The following CUX1 variants were observed in gnomAD, a reference collection of about 807,000 sequenced individuals.
CUX1 encodes protein CASP.
CUX1 carries 31 observed loss-of-function variants against 158.8 expected under a neutral mutation model. The ratio of observed to expected loss-of-function variants is 0.20; its 90% CI spans 0.15 to 0.26. The LOEUF is 0.26. CUX1 is among the 10% of genes least tolerant of loss of function. The pLI, the probability that CUX1 is intolerant of heterozygous loss-of-function variation, is 1.00. For missense variants in CUX1, 1,589 were observed against 2,014.6 expected (o/e 0.79, Z 4.04); for synonymous variants, 879 against 862.1 (o/e 1.02, Z -0.34).
chr7:101,900,930 A>C (rs182537294), intron 1 of CUX1, among the ~76,000 whole-genome samples: 30 of 152,330 alleles, frequency 2.0e-4, no homozygotes, highest in African/African-American at 6.3e-4. Context: ...TTAATCACTG[A>C]AGAATCTAAC....
chr7:102,049,199 G>A (rs541831067), intron 3 of CUX1, among the ~76,000 whole-genome samples: 1 of 152,190 alleles, frequency 6.6e-6, no homozygotes, highest in African/African-American at 2.4e-5. Flanking sequence ...AGACTCACTC[G>A]GAGAAATTTC....
At chr7:102,168,882 GCTTTTCTTTTCTTTT>G (rs370878244) in intron 9 of CUX1, among the ~76,000 whole-genome samples, 3 of 144,310 alleles carry the variant, frequency 2.1e-5, no homozygotes, top group Admixed American at 7.1e-5. Flanking sequence ...GCTTGGCCAG[GCTTTTCTTTTCTTTT>G]CTTTTCTTTT....
At chr7:101,841,173 G>T (rs542085695) in intron 1 of CUX1, among the ~76,000 whole-genome samples, 1 of 152,072 alleles carries the variant, frequency 6.6e-6, no homozygotes, top group Non-Finnish European at 1.5e-5. Context: ...GATTACAGGC[G>T]TGAGCCACCA....
intron 21 of CUX1, among the ~76,000 whole-genome samples, chr7:102,230,213 G>A (rs1554530157): frequency 6.6e-6 from 1 of 151,968 alleles, no homozygotes; most frequent in African/African-American, 2.4e-5. Context: ...AATGACAGGT[G>A]GCCTGTAACC....
chr7:102,142,454 C>G (rs138566398), intron 8 of CUX1, among the ~76,000 whole-genome samples: 1 of 152,156 alleles, frequency 6.6e-6, no homozygotes, highest in Non-Finnish European at 1.5e-5. Flanking sequence ...CCTTCCTAAA[C>G]AGCCTTTAAA....
chr7:102,280,884 C>T, intron 20 of CUX1: 1 of 1,606,572 alleles, frequency 6.2e-7, no homozygotes. Flanking sequence ...CCTACCCACC[C>T]CCTCCCTGGA....
chr7:102,015,322 G>A (rs1260969683), intron 2 of CUX1, among the ~76,000 whole-genome samples: 1 of 152,066 alleles, frequency 6.6e-6, no homozygotes, highest in African/African-American at 2.4e-5. Flanking sequence ...CCGCCTCCCA[G>A]GTTCACGCAA....
At chr7:102,069,405 C>T (rs1161776032) in intron 3 of CUX1, among the ~76,000 whole-genome samples, 1 of 152,162 alleles carries the variant, frequency 6.6e-6, no homozygotes. Flanking sequence ...GACTCTTAAT[C>T]TGGACTCCAG....
At chr7:102,225,721 G>A (rs1554528408) in intron 20 of CUX1, among the ~76,000 whole-genome samples, 1 of 152,224 alleles carries the variant, frequency 6.6e-6, no homozygotes, top group Admixed American at 6.5e-5. Context: ...CAGGTGTAGT[G>A]GTGCAAGTCT....
chr7:102,048,177 G>T (rs1307593812), intron 3 of CUX1, among the ~76,000 whole-genome samples: 1 of 152,174 alleles, frequency 6.6e-6, no homozygotes, highest in Admixed American at 6.5e-5. Context: ...CAAGGGGCAA[G>T]GCAGGGACTC....
chr7:101,963,292 T>G (rs539149458), intron 2 of CUX1, among the ~76,000 whole-genome samples: 1 of 152,162 alleles, frequency 6.6e-6, no homozygotes, highest in East Asian at 1.9e-4. Flanking sequence ...GCTCATTGGG[T>G]GGGGGAGGAA....
intron 1 of CUX1, among the ~76,000 whole-genome samples, chr7:101,900,883 T>C (rs1330256565): frequency 6.6e-6 from 1 of 152,152 alleles, no homozygotes; most frequent in African/African-American, 2.4e-5. Context: ...CCAGAGCATA[T>C]GGGAAAAGGA....
At chr7:102,262,961 G>A (rs1245743934), downstream of CUX1, among the ~76,000 whole-genome samples, 2 of 151,900 alleles carry the variant, frequency 1.3e-5, no homozygotes, top group Non-Finnish European at 2.9e-5. Context: ...TTGCTTCGAA[G>A]GTGATCAATG....
intron 3 of CUX1, among the ~76,000 whole-genome samples, chr7:102,030,698 T>TTTTTTTTTTTTTGTTTTTTGTTTTTTG (rs1563153348): frequency 2.7e-5 from 4 of 146,114 alleles, no homozygotes; most frequent in African/African-American, 5.1e-5. Flanking sequence ...AGTGTTTTTT[T>TTTTTTTTTTTTTGTTTTTTGTTTTTTG]TTTTTGAGAC....
intron 14 of CUX1, chr7:102,264,995 G>A (rs1299932918): frequency 1.3e-5 from 2 of 152,184 alleles, no homozygotes; most frequent in African/African-American, 4.8e-5. Context: ...GACAGCACGA[G>A]GTCAGAGACA....
chr7:102,122,500 G>T (rs1239363942), intron 8 of CUX1, among the ~76,000 whole-genome samples: 3 of 151,842 alleles, frequency 2.0e-5, no homozygotes, highest in Admixed American at 2.0e-4. Context: ...AAAAATTGAT[G>T]CCTGGGTGAG....
chr7:102,207,403 G>A (rs190990177), intron 20 of CUX1, among the ~76,000 whole-genome samples: 5 of 152,044 alleles, frequency 3.3e-5, no homozygotes, highest in Admixed American at 6.5e-5. Context: ...AGCAAAAATC[G>A]TGGTGACTAG....
chr7:102,049,507 G>T (rs995182431), intron 3 of CUX1, among the ~76,000 whole-genome samples: 1 of 152,042 alleles, frequency 6.6e-6, no homozygotes, highest in Non-Finnish European at 1.5e-5. Context: ...AGAAGAGGGG[G>T]AACCTGTGAG....
intron 2 of CUX1, among the ~76,000 whole-genome samples, chr7:101,943,078 C>CTTTTTTTTTTTTTTTTT (rs58332486): frequency 1.2e-5 from 1 of 80,330 alleles, no homozygotes; most frequent in African/African-American, 5.1e-5. Context: ...CTGGTCAGTG[C>CTTTTTTTTTTTTTTTTT]TTTTTTTTTT....
Sources: allele counts gnomAD v4.1 joint callset (sites outside exome capture counted in the v4.1 genomes callset), GRCh38; gene constraint gnomAD v4.1.1; transcripts MANE v1.5; gene names NCBI Gene and HGNC (gene_info 2026-07-23, HGNC 2026-07-21).